SLC25A23: variants seen among roughly 807,000 people sequenced by gnomAD.
SLC25A23 encodes solute carrier family 25 member 23, also known as mitochondrial adenyl nucleotide antiporter SLC25A23.
In SLC25A23, 32 loss-of-function variants were observed where a neutral mutation model predicts 53.9. That is an observed-to-expected ratio of 0.59 (90% CI 0.45 to 0.80). SLC25A23 has a LOEUF of 0.80. SLC25A23 is among the 30% of genes least tolerant of loss of function. SLC25A23 has a pLI of 0.00. For missense variants in SLC25A23, 575 were observed against 651.4 expected (o/e 0.88, Z 1.28); for synonymous variants, 275 against 264.5 (o/e 1.04, Z -0.38).
At chr19:6,444,785 A>G (rs2092478371) in intron 8 of SLC25A23, among the ~76,000 whole-genome samples, 1 of 151,820 alleles carries the variant, frequency 6.6e-6, no homozygotes, top group African/African-American at 2.4e-5. Flanking sequence ...CTCTTGCCTC[A>G]GCCTCCCGGG....
intron 4 of SLC25A23, among the ~76,000 whole-genome samples, chr19:6,455,725 T>G (rs2092671267): frequency 1.3e-5 from 1 of 78,526 alleles, no homozygotes; most frequent in South Asian, 3.6e-4. Flanking sequence ...TTTTTTTTTT[T>G]TTTTTTTTTT....
At position 6,442,048 on chromosome 19, in the gene SLC25A23, A is replaced by C. The variant is rs1249236698; in HGVS notation, c.1334T>G (p.Val445Gly). 2 of 1,613,392 alleles carry C rather than the reference A, an allele frequency of 1.2e-6. No individual in the cohort carries two copies. Among genetic ancestry groups the C allele is most frequent in the Non-Finnish European group, 1.7e-6 (2 of 1,179,762 alleles). Residue 445 changes from valine (V) to glycine (G), a missense_variant, in exon 10 of 10, where the codon GTT becomes GGT. Transcript: ENST00000301454. ...YRGIAPNFMK[V>G]IPAVSISYVV... ...ATAGGAGATGCTCACAGCTGGAATA[A>C]CCTTCATGAAGTTGGGGGCGATCCC...
intron 9 of SLC25A23, 148 bp from the exon 10 acceptor site, chr19:6,442,307 C>T (rs1050175633): frequency 1.6e-6 from 1 of 607,020 alleles, no homozygotes; most frequent in Non-Finnish European, 2.9e-6. Context: ...AGAGTCGAGA[C>T]TTGTATTGAC....
chr19:6,451,556 A>G (rs1215423147), intron 8 of SLC25A23, among the ~76,000 whole-genome samples: 1 of 152,140 alleles, frequency 6.6e-6, no homozygotes, highest in Non-Finnish European at 1.5e-5. Flanking sequence ...ACGCTTGGGG[A>G]CATCCAGGAC....
chr19:6,437,637 G>A (rs1019558339), downstream of SLC25A23, among the ~76,000 whole-genome samples: 25 of 151,436 alleles, frequency 1.7e-4, no homozygotes, highest in East Asian at 3.1e-3. Context: ...GTGAAACCCC[G>A]TCTCTACTAA....
Position 6,454,151 on chromosome 19 carries a change from T to A in SLC25A23, c.796-63A>T. 1 of 1,540,524 alleles carries A rather than the reference T, an allele frequency of 6.5e-7. No homozygotes were observed. The highest frequency in any genetic ancestry group is 8.8e-7 in the Non-Finnish European group (1 of 1,132,456). ...GGGTTGAACCTTCCTTGCACTCCACTGTTCTCCTGGCTTCCAAAGAACTGG... is the reference window on the plus strand; with the variant it reads ...GGGTTGAACCTTCCTTGCACTCCACAGTTCTCCTGGCTTCCAAAGAACTGG... On this transcript the variant is annotated intron_variant, in intron 6 of 9. Transcript: ENST00000301454. The surrounding 1 kb of genome is among the most constrained non-coding windows in gnomAD (Gnocchi z 4.3).
intron 7 of SLC25A23, among the ~76,000 whole-genome samples, chr19:6,453,192 A>C (rs1163790895): frequency 2.0e-5 from 3 of 151,128 alleles, no homozygotes; most frequent in Non-Finnish European, 4.4e-5. Context: ...TGAAGCTACC[A>C]TCCCAGCCTG....
chr19:6,449,033 G>GA (rs747400351), intron 8 of SLC25A23, among the ~76,000 whole-genome samples: 31 of 145,000 alleles, frequency 2.1e-4, no homozygotes, highest in Non-Finnish European at 3.2e-4. Context: ...CAAAAAAAAA[G>GA]AAAAAAAAAA....
chr19:6,446,767 A>G (rs1451118423), intron 8 of SLC25A23, among the ~76,000 whole-genome samples: 1 of 152,156 alleles, frequency 6.6e-6, no homozygotes, highest in African/African-American at 2.4e-5. Context: ...TTGGGGGGGA[A>G]CATGTTGATG....
chr19:6,436,217 G>A (rs2092312544), downstream of SLC25A23: 3 of 283,040 alleles, frequency 1.1e-5, no homozygotes, highest in South Asian at 1.0e-4. Flanking sequence ...GAGCCGCTGA[G>A]CCGGCTGTTC....
At chr19:6,447,077 G>A (rs566307782) in intron 8 of SLC25A23, among the ~76,000 whole-genome samples, 1 of 152,220 alleles carries the variant, frequency 6.6e-6, no homozygotes, top group South Asian at 2.1e-4. Context: ...GTATGGCTCT[G>A]CTGACACCTT....
At chr19:6,442,309 T>A (rs1429624713) in intron 9 of SLC25A23, 150 bp from the exon 10 acceptor site, 7 of 602,640 alleles carry the variant, frequency 1.2e-5, no homozygotes, top group Non-Finnish European at 2.0e-5. Flanking sequence ...AGTCGAGACT[T>A]GTATTGACCT....
downstream of SLC25A23, among the ~76,000 whole-genome samples, chr19:6,439,424 C>CAG (rs1418883321): frequency 6.6e-6 from 1 of 150,848 alleles, no homozygotes; most frequent in Non-Finnish European, 1.5e-5. Flanking sequence ...CACACACACA[C>CAG]ACACACACAC....
At chr19:6,455,941 G>A (rs557563923) in intron 4 of SLC25A23, 167 of 1,064,170 alleles carry the variant, frequency 1.6e-4, no homozygotes, top group Middle Eastern at 5.6e-4. Flanking sequence ...GGATGGTCGC[G>A]ATCGCCTGAC....
chr19:6,449,162 G>A (rs1274393400), intron 8 of SLC25A23, among the ~76,000 whole-genome samples: 2 of 151,988 alleles, frequency 1.3e-5, no homozygotes, highest in Non-Finnish European at 2.9e-5. Context: ...AAACTCCAAG[G>A]TTTCTAAAAC....
At chr19:6,458,972 G>A (rs114504741) in intron 1 of SLC25A23, among the ~76,000 whole-genome samples, 1 of 152,216 alleles carries the variant, frequency 6.6e-6, no homozygotes, top group African/African-American at 2.4e-5. Flanking sequence ...GCGGGTGACC[G>A]CAGACAGGAT....
In SLC25A23 at chr19:6,444,280, G is replaced by A; in HGVS notation, c.1093C>T (p.Gln365Ter). ...TCTGCCGAGTCGTGGCTGTACTGCT[G>A]AAGCCACCAGTTCTTCAGAGTCTGG... ...VYETLKNWWL[Q>*]QYSHDSADPG... Residue 365 changes from glutamine (Q) to a stop codon, truncating the protein, a stop_gained, in exon 9 of 10, where the codon CAG becomes TAG. Coordinates refer to ENST00000301454, the MANE Select transcript of SLC25A23 (RefSeq NM_024103.3). LOFTEE classifies it high-confidence loss of function. 1 of 1,535,630 alleles carries A rather than the reference G, an allele frequency of 6.5e-7. No homozygotes were observed. The highest frequency in any genetic ancestry group is 8.8e-7 in the Non-Finnish European group (1 of 1,133,436).
At chr19:6,452,749 T>G in intron 7 of SLC25A23, 1 of 360,456 alleles carries the variant, frequency 2.8e-6, no homozygotes, top group South Asian at 5.1e-5. Flanking sequence ...AGATGGGGAC[T>G]CGCTACTTTG....
At chr19:6,444,335 T>A in intron 8 of SLC25A23, 34 bp from the exon 9 acceptor site, 3 of 826,944 alleles carry the variant, frequency 3.6e-6, no homozygotes, top group South Asian at 1.4e-5. Context: ...AGGGTTGGGG[T>A]GGGTGACCCT....
Sources: allele counts gnomAD v4.1 joint callset (sites outside exome capture counted in the v4.1 genomes callset), GRCh38; gene constraint gnomAD v4.1.1; non-coding constraint Gnocchi (gnomAD v3.1); transcripts MANE v1.5; gene names NCBI Gene and HGNC (gene_info 2026-07-23, HGNC 2026-07-21).